Variants in LGSN observed in about 807,000 individuals in gnomAD.
LGSN encodes lengsin.
In LGSN, 21 loss-of-function variants were observed where a neutral mutation model predicts 19.5. The ratio of observed to expected loss-of-function variants is 1.07; its 90% confidence interval spans 0.76 to 1.55. The LOEUF is 1.55. Ranked by LOEUF, LGSN falls within the 40% of genes most tolerant of loss-of-function variation. The pLI is 0.00. For synonymous variants in LGSN, 257 were observed against 215.6 expected (o/e 1.19, Z -1.68); for missense variants, 673 against 608.5 (o/e 1.11, Z -1.12).
chr6:63,528,255 T>C, the LGSN span, among the ~76,000 whole-genome samples: 5 of 152,136 alleles, frequency 3.3e-5, no homozygotes, highest in Non-Finnish European at 7.4e-5. Flanking sequence ...ATGGTGTAGA[T>C]GACTTGAGCA....
intron 1 of LGSN, among the ~76,000 whole-genome samples, chr6:63,315,873 T>TAA (rs74271498): frequency 9.4e-5 from 13 of 137,594 alleles, no homozygotes; most frequent in Middle Eastern, 3.7e-3. Context: ...ATCCAGGTCT[T>TAA]AAAAAAAAAA....
the LGSN span, among the ~76,000 whole-genome samples, chr6:63,449,408 G>A: frequency 6.6e-6 from 1 of 152,008 alleles, no homozygotes; most frequent in Non-Finnish European, 1.5e-5. Context: ...AGCCGGGCGT[G>A]GTGGTGGGTG....
the LGSN span, among the ~76,000 whole-genome samples, chr6:63,332,594 C>G: frequency 6.6e-6 from 1 of 152,164 alleles, no homozygotes; most frequent in East Asian, 1.9e-4. Context: ...TTAGAGAGCC[C>G]TTTCCTGGAA....
the LGSN span, among the ~76,000 whole-genome samples, chr6:63,564,981 C>G: frequency 6.6e-6 from 1 of 152,134 alleles, no homozygotes; most frequent in African/African-American, 2.4e-5. Flanking sequence ...GAAAAGTATT[C>G]TCTTACTAAT....
the LGSN span, among the ~76,000 whole-genome samples, chr6:63,533,110 G>A: frequency 1.3e-5 from 2 of 152,284 alleles, no homozygotes; most frequent in African/African-American, 2.4e-5. Context: ...GGCTGGGCGA[G>A]GTGGCTCATG....
chr6:63,331,198 C>T, the LGSN span, among the ~76,000 whole-genome samples: 4 of 152,124 alleles, frequency 2.6e-5, no homozygotes, highest in Non-Finnish European at 5.9e-5. Context: ...TGGGTGTAAG[C>T]TGAGAGGTCC....
At chr6:63,497,278 G>GT in the LGSN span, among the ~76,000 whole-genome samples, 1 of 152,114 alleles carries the variant, frequency 6.6e-6, no homozygotes, top group South Asian at 2.1e-4. Flanking sequence ...GCTGAGTGCA[G>GT]TAGCTCACTC....
At chr6:63,427,005 T>C in the LGSN span, among the ~76,000 whole-genome samples, 1 of 152,050 alleles carries the variant, frequency 6.6e-6, no homozygotes, top group Non-Finnish European at 1.5e-5. Context: ...AAATAAATAA[T>C]TAACTAATGA....
the LGSN span, among the ~76,000 whole-genome samples, chr6:63,534,570 T>G: frequency 6.6e-6 from 1 of 152,024 alleles, no homozygotes; most frequent in African/African-American, 2.4e-5. Flanking sequence ...ATCGCAGCTA[T>G]GCAGGAGGCT....
chr6:63,326,660 G>T, the LGSN span, among the ~76,000 whole-genome samples: 1 of 152,210 alleles, frequency 6.6e-6, no homozygotes, highest in South Asian at 2.1e-4. Flanking sequence ...GGCACTGCTA[G>T]GGGACCCAGT....
the LGSN span, among the ~76,000 whole-genome samples, chr6:63,412,521 A>AGAAAGAAAGAAG: frequency 1.1e-5 from 1 of 90,356 alleles, no homozygotes; most frequent in African/African-American, 4.2e-5. Flanking sequence ...AAAGAAAGAA[A>AGAAAGAAAGAAG]GAAAGAAGGA....
the LGSN span, among the ~76,000 whole-genome samples, chr6:63,529,773 T>C: frequency 5.9e-5 from 9 of 152,268 alleles, no homozygotes; most frequent in South Asian, 4.2e-4. Flanking sequence ...TCCGTTTTTC[T>C]GAGTAATCCC....
the LGSN span, among the ~76,000 whole-genome samples, chr6:63,425,095 T>A: frequency 6.6e-6 from 1 of 152,154 alleles, no homozygotes; most frequent in Admixed American, 6.6e-5. Context: ...CCTATCAGAA[T>A]GGCTACAATG....
chr6:63,498,410 C>T, the LGSN span, among the ~76,000 whole-genome samples: 1 of 152,068 alleles, frequency 6.6e-6, no homozygotes, highest in African/African-American at 2.4e-5. Flanking sequence ...TTCCCTATCT[C>T]ATCTCTATTG....
the LGSN span, among the ~76,000 whole-genome samples, chr6:63,501,346 G>A: frequency 8.5e-5 from 11 of 129,730 alleles, no homozygotes; most frequent in Non-Finnish European, 1.4e-4. Flanking sequence ...TGGGCGACAA[G>A]AACAAAACTT....
At chr6:63,324,272 C>T (rs1333380043), upstream of LGSN, among the ~76,000 whole-genome samples, 1 of 152,190 alleles carries the variant, frequency 6.6e-6, no homozygotes, top group Non-Finnish European at 1.5e-5. Flanking sequence ...TGTAGTGAAA[C>T]AACCAGCAGA....
chr6:63,369,395 G>A, the LGSN span, among the ~76,000 whole-genome samples: 3 of 152,286 alleles, frequency 2.0e-5, no homozygotes, highest in Non-Finnish European at 4.4e-5. Flanking sequence ...ATACTGAAAG[G>A]CTCCTGTTGT....
chr6:63,409,426 A>G, the LGSN span, among the ~76,000 whole-genome samples: 1 of 152,232 alleles, frequency 6.6e-6, no homozygotes, highest in Non-Finnish European at 1.5e-5. Flanking sequence ...ACATATATCT[A>G]AACTTCTTGA....
At chr6:63,526,829 A>T in the LGSN span, among the ~76,000 whole-genome samples, 12 of 139,978 alleles carry the variant, frequency 8.6e-5, no homozygotes, top group South Asian at 4.3e-4. Flanking sequence ...ATATATATAT[A>T]TATATATTTA....
Sources: allele counts gnomAD v4.1 joint callset (sites outside exome capture counted in the v4.1 genomes callset), GRCh38; gene constraint gnomAD v4.1.1; transcripts MANE v1.5; gene names NCBI Gene and HGNC (gene_info 2026-07-23, HGNC 2026-07-21).